DNMBP: variants seen among roughly 807,000 people sequenced by gnomAD.
DNMBP encodes dynamin binding protein, also known as dynamin-binding protein.
Under a neutral mutation model 150.0 loss-of-function variants are expected in DNMBP, and 87 were observed. The ratio of observed to expected loss-of-function variants is 0.58; its 90% CI spans 0.49 to 0.69. The LOEUF is 0.69. Ranked by LOEUF, DNMBP falls within the 30% of genes least tolerant of loss-of-function variation. The pLI, the probability that DNMBP is intolerant of heterozygous loss-of-function variation, is 0.00. For missense variants in DNMBP, 1,774 were observed against 1,949.0 expected, an observed-to-expected ratio of 0.91 and a Z score of 1.69; for synonymous variants, 711 against 750.4, an observed-to-expected ratio of 0.95 and a Z score of 0.86.
chr10:99,946,584 C>T lies in DNMBP; in HGVS notation c.2260+8630G>A, dbSNP rs575332508. Among the ~76,000 whole-genome samples, 8 of 152,306 alleles carry T rather than the reference C, an allele frequency of 5.3e-5. No homozygotes were observed. In the South Asian group the frequency reaches 1.5e-3, roughly 28 times the overall value. Reference sequence around the variant, plus strand: ...CAGAAGAATGAAACTGGACTTCCATCTCTCACCATATACAAAAATTAACTC... The same window carrying T: ...CAGAAGAATGAAACTGGACTTCCATTTCTCACCATATACAAAAATTAACTC... On this transcript the variant is annotated intron_variant, in intron 4 of 16. Coordinates refer to ENST00000324109, the MANE Select transcript of DNMBP (RefSeq NM_015221.4).
chr10:100,001,108 G>A (rs1394072641), intron 1 of DNMBP, among the ~76,000 whole-genome samples: 7 of 150,424 alleles, frequency 4.7e-5, no homozygotes, highest in East Asian at 2.0e-4. Context: ...GTGCGTGCCT[G>A]TAATCCCAGC....
rs2039447283 is a variant in DNMBP, at chr10:99,885,743, G to A, written c.3742C>T (p.Pro1248Ser). The change falls in exon 14 of 17, where the codon CCA becomes TCA. Residue 1248 changes from proline to serine, a missense_variant. Transcript: ENST00000324109. ...CGGTCAATGGTTTTCCTCTCAAATGGCTTCTTGGTAGCTGGAAGAGACTCC... is the reference window on the plus strand; with the variant it reads ...CGGTCAATGGTTTTCCTCTCAAATGACTTCTTGGTAGCTGGAAGAGACTCC... ...FPESLPATKK[P>S]FERKTIDRQS... 2 of 1,598,722 alleles carry A rather than the reference G, an allele frequency of 1.3e-6. No homozygotes were observed. The highest frequency in any genetic ancestry group is 1.7e-6 in the Non-Finnish European group (2 of 1,171,364).
At chr10:99,877,592 G>A (rs748758513) in intron 16 of DNMBP, among the ~76,000 whole-genome samples, 3 of 152,152 alleles carry the variant, frequency 2.0e-5, no homozygotes, top group African/African-American at 4.8e-5. Context: ...GGCCGGGCAC[G>A]GTGGCTCATG....
intron 16 of DNMBP, among the ~76,000 whole-genome samples, chr10:99,877,630 G>A (rs761959696): frequency 2.0e-5 from 3 of 152,214 alleles, no homozygotes; most frequent in Non-Finnish European, 4.4e-5. Context: ...CTGGGAGGCT[G>A]AGATGGGTGG....
intron 4 of DNMBP, among the ~76,000 whole-genome samples, chr10:99,921,724 G>A (rs973319524): frequency 1.3e-5 from 2 of 151,652 alleles, no homozygotes; most frequent in Non-Finnish European, 2.9e-5. Flanking sequence ...ACGTAGCTGG[G>A]TGTGATGGTA....
At chr10:99,987,453 G>T (rs1405417493) in intron 1 of DNMBP, among the ~76,000 whole-genome samples, 1 of 152,212 alleles carries the variant, frequency 6.6e-6, no homozygotes, top group Admixed American at 6.5e-5. Context: ...TAAGGGAGAG[G>T]CTGGGTGCAG....
intron 1 of DNMBP, among the ~76,000 whole-genome samples, chr10:100,002,614 T>G (rs112381368): frequency 2.0e-5 from 3 of 152,210 alleles, no homozygotes; most frequent in Non-Finnish European, 4.4e-5. Context: ...TGACTCGTAA[T>G]GCCAGGAGGA....
intron 3 of DNMBP, among the ~76,000 whole-genome samples, chr10:99,968,688 CAAAAA>C (rs397755241): frequency 1.8e-5 from 2 of 109,302 alleles, no homozygotes; most frequent in Admixed American, 9.8e-5. Context: ...ACTACTGTCT[CAAAAA>C]AAAAAAAAAA....
Position 99,955,858 on chromosome 10 carries a change from T to A in DNMBP, c.1616A>T (p.His539Leu), listed in dbSNP as rs370572308. 6.8e-6 allele frequency: 11 copies of A among 1,614,088 alleles called. No individual in the cohort carries two copies. In the African/African-American group the frequency reaches 1.3e-4, roughly 20 times the overall value. Residue 539 changes from histidine to leucine, a missense_variant, in exon 4 of 17, where the codon CAT becomes CTT. His to Leu is a moderately conservative substitution (Grantham distance 99). Coordinates refer to ENST00000324109, the MANE Select transcript of DNMBP (RefSeq NM_015221.4). The stretch of plus-strand genomic sequence containing the variant: ...GTCAGTGCTGCCGTCTCCCTGTGAA[T>A]GTGTTGCTGCTTCCATAACAAGCCC... ...AQGLVMEAAT[H>L]SQGDGSTDLD...
intron 3 of DNMBP, among the ~76,000 whole-genome samples, chr10:99,964,354 C>T (rs2040595877): frequency 1.3e-5 from 2 of 151,576 alleles, no homozygotes; most frequent in South Asian, 4.2e-4. Context: ...AAACTCCTGA[C>T]CTCGTGATCC....
In DNMBP at chr10:99,894,962, TAGAG is replaced by T. The variant is rs2039629451; in HGVS notation, c.3136_3139del (p.Leu1046ThrfsTer11). 3 of 1,613,782 alleles carry T rather than the reference TAGAG, an allele frequency of 1.9e-6. No homozygotes were observed. The highest frequency in any genetic ancestry group is 1.6e-4 in the Middle Eastern group (1 of 6,062). ...GATGCTCACCCGGATGTGCTGGAGGTAGAGAGACAGGTCTCGGATAAAAGACTTA... is the reference window on the plus strand; with the variant it reads ...GATGCTCACCCGGATGTGCTGGAGGTAGACAGGTCTCGGATAAAAGACTTA... On this transcript the variant is annotated frameshift_variant, in exon 11 of 17. Coordinates refer to ENST00000324109, the MANE Select transcript of DNMBP (RefSeq NM_015221.4). LOFTEE classifies it high-confidence loss of function.
At chr10:99,950,209 C>T (rs1434955990) in intron 4 of DNMBP, among the ~76,000 whole-genome samples, 6 of 152,214 alleles carry the variant, frequency 3.9e-5, no homozygotes, top group South Asian at 2.1e-4. Flanking sequence ...CTGCCATCCA[C>T]GTAAGATGTG....
intron 4 of DNMBP, among the ~76,000 whole-genome samples, chr10:99,920,189 C>T (rs2040007051): frequency 6.6e-6 from 1 of 151,854 alleles, no homozygotes; most frequent in African/African-American, 2.4e-5. Context: ...AATTCTCCTG[C>T]CTCAGCCTCC....
intron 1 of DNMBP, among the ~76,000 whole-genome samples, chr10:99,994,938 TAAA>T (rs1350084181): frequency 1.3e-5 from 2 of 152,150 alleles, no homozygotes; most frequent in African/African-American, 4.8e-5. Context: ...TTTGTTTGTT[TAAA>T]GAGACAGGGT....
chr10:99,959,463 G>A (rs1032771435), intron 3 of DNMBP, among the ~76,000 whole-genome samples: 9 of 151,894 alleles, frequency 5.9e-5, no homozygotes, highest in Admixed American at 5.2e-4. Flanking sequence ...CTCCAGCCTG[G>A]GCGACAGAGA....
intron 1 of DNMBP, among the ~76,000 whole-genome samples, chr10:99,998,053 G>A (rs1290068325): frequency 6.7e-6 from 1 of 150,064 alleles, no homozygotes; most frequent in African/African-American, 2.5e-5. Flanking sequence ...GGCTAACACA[G>A]TGAAACCCCA....
chr10:99,913,703 T>C (rs922581593), intron 4 of DNMBP, among the ~76,000 whole-genome samples: 1 of 152,050 alleles, frequency 6.6e-6, no homozygotes, highest in African/African-American at 2.4e-5. Flanking sequence ...GTTAGTACAT[T>C]ATCACCAGGC....
At chr10:99,880,432 A>AG in intron 15 of DNMBP, 71 bp from the exon 16 acceptor site, 4 of 1,445,352 alleles carry the variant, frequency 2.8e-6, no homozygotes, top group Non-Finnish European at 3.6e-6. Context: ...GAGCATTGAG[A>AG]GAAAAAAAAC....
At chr10:99,894,839 T>A (rs2039627297) in intron 11 of DNMBP, 107 bp downstream of exon 11, 1 of 808,584 alleles carries the variant, frequency 1.2e-6, no homozygotes, top group Non-Finnish European at 2.0e-6. Flanking sequence ...ATAATAGTAA[T>A]TTGAGTCCAG....
Sources: gnomAD v4.1 joint callset for allele counts (sites outside exome capture counted in the v4.1 genomes callset) on GRCh38, gnomAD v4.1.1 for gene constraint, MANE v1.5 for transcripts, NCBI Gene and HGNC (gene_info 2026-07-23, HGNC 2026-07-21) for gene names.